The following PCDH7 variants were observed in gnomAD, a reference collection of about 807,000 sequenced individuals.
PCDH7 encodes protocadherin-7.
PCDH7 carries 17 observed loss-of-function variants against 58.9 expected under a neutral mutation model. That is an observed-to-expected ratio of 0.29 (90% CI 0.20 to 0.43). The LOEUF is 0.43. Among genes scored for constraint, PCDH7 ranks in the 20% least tolerant of loss-of-function variants. The pLI, the probability that PCDH7 is intolerant of heterozygous loss-of-function variation, is 1.00. For missense variants in PCDH7, 1,274 were observed against 1,441.0 expected (o/e 0.88, Z 1.88); for synonymous variants, 664 against 616.4 (o/e 1.08, Z -1.14).
intron 2 of PCDH7, among the ~76,000 whole-genome samples, chr4:30,935,511 A>G (rs1006843754): frequency 3.9e-5 from 6 of 152,168 alleles, no homozygotes; most frequent in Admixed American, 1.3e-4. Flanking sequence ...TCTGTTTTCT[A>G]CAAGCTAAAT....
intron 3 of PCDH7, among the ~76,000 whole-genome samples, chr4:31,141,612 A>G (rs555317943): frequency 1.7e-3 from 266 of 152,310 alleles, no homozygotes; most frequent in Admixed American, 4.4e-3. Context: ...CTTGTTTCCT[A>G]AGAATTCTTT....
intron 3 of PCDH7, among the ~76,000 whole-genome samples, chr4:31,030,420 A>G (rs1244888827): frequency 6.6e-6 from 1 of 152,238 alleles, no homozygotes; most frequent in Non-Finnish European, 1.5e-5. Flanking sequence ...TCTGAAGACT[A>G]GCCAGGGTTA....
At chr4:30,859,087 G>A (rs1733859393) in intron 1 of PCDH7, among the ~76,000 whole-genome samples, 1 of 151,924 alleles carries the variant, frequency 6.6e-6, no homozygotes, top group African/African-American at 2.4e-5. Context: ...TTCTCTCTTT[G>A]TTCTTAACTA....
rs183395571 is a variant in PCDH7 at position 30,956,265 on chromosome 4, G to A, written c.*7+6050G>A. Among the ~76,000 whole-genome samples the A allele has an allele frequency of 1.2e-4, 18 of 151,738 alleles. No individual in the cohort carries two copies. In the East Asian group the frequency reaches 3.3e-3, roughly 28 times the overall value. The stretch of plus-strand genomic sequence containing the variant: ...AAGTGAATTCCAATGCTAATGGTCT[G>A]TTGTTCTATAATAACTATCAGACAT... On this transcript the variant is annotated intron_variant, in intron 3 of 3. Coordinates refer to the PCDH7 transcript ENST00000509759.
intron 1 of PCDH7, among the ~76,000 whole-genome samples, chr4:30,916,349 C>A (rs1742475995): frequency 6.6e-6 from 1 of 152,116 alleles, no homozygotes; most frequent in Non-Finnish European, 1.5e-5. Context: ...TCATTATTGG[C>A]CTTTTATTTA....
intron 3 of PCDH7, among the ~76,000 whole-genome samples, chr4:30,979,765 A>T (rs896691097): frequency 2.6e-5 from 4 of 152,056 alleles, no homozygotes; most frequent in Non-Finnish European, 5.9e-5. Flanking sequence ...ACTGTTTTGT[A>T]TCTCTCCCAC....
Position 30,968,376 on chromosome 4 carries a change from C to CTATATATATATATA in PCDH7, c.*7+18187_*7+18200dup, listed in dbSNP as rs60085619. On this transcript the variant is annotated intron_variant, in intron 3 of 3. Transcript: ENST00000509759. ...TACACACACTATATATATACACACA[C>CTATATATATATATA]TATATATATATATATATATATATAT... 6.7e-3 allele frequency among the ~76,000 whole-genome samples: 445 copies of CTATATATATATATA among 66,880 alleles called. 5 individuals carry two copies. Among genetic ancestry groups the CTATATATATATATA allele is most frequent in the Non-Finnish European group, 8.5e-3 (319 of 37,454 alleles). The allele number at this position is 66,880 out of a possible 152,430, so 43.9% of individuals were successfully genotyped here. A position where few individuals can be genotyped will look rare whatever the true frequency, so the allele number is the denominator to read the frequency against.
chr4:30,951,194 C>T (rs762004767), intron 3 of PCDH7, among the ~76,000 whole-genome samples: 28 of 152,110 alleles, frequency 1.8e-4, no homozygotes, highest in Non-Finnish European at 4.4e-5. Context: ...TTCTTTAAAA[C>T]GGTAGCAGAA....
At chr4:30,912,008 T>C (rs1741839460) in intron 1 of PCDH7, among the ~76,000 whole-genome samples, 1 of 152,190 alleles carries the variant, frequency 6.6e-6, no homozygotes, top group Admixed American at 6.6e-5. Flanking sequence ...AACAATAATG[T>C]CAAATATGTA....
At chr4:31,008,973 A>G (rs900351029) in intron 3 of PCDH7, among the ~76,000 whole-genome samples, 4 of 152,098 alleles carry the variant, frequency 2.6e-5, no homozygotes, top group Admixed American at 6.6e-5. Flanking sequence ...GTCCCATCAC[A>G]TAATATACAA....
chr4:30,841,322 T>A (rs1447368), intron 1 of PCDH7, among the ~76,000 whole-genome samples: 13,553 of 152,144 alleles, frequency 0.089, 759 homozygotes, highest in Non-Finnish European at 0.12. Context: ...ATAGGGGAAA[T>A]GATTTCTCAA....
At chr4:30,764,725 GT>G (rs1720480061) in intron 1 of PCDH7, among the ~76,000 whole-genome samples, 1 of 151,524 alleles carries the variant, frequency 6.6e-6, no homozygotes, top group Non-Finnish European at 1.5e-5. Flanking sequence ...TTGTTTGTTT[GT>G]TTGTTTGTTT....
At chr4:31,087,883 T>G (rs919888437) in intron 3 of PCDH7, among the ~76,000 whole-genome samples, 1 of 152,200 alleles carries the variant, frequency 6.6e-6, no homozygotes, top group South Asian at 2.1e-4. Flanking sequence ...AATAAGTAGT[T>G]AAGGGAAGAA....
At chr4:30,905,470 CA>C (rs1157795110) in intron 1 of PCDH7, among the ~76,000 whole-genome samples, 1 of 16,496 alleles carries the variant, frequency 6.1e-5, no homozygotes, top group Admixed American at 4.8e-4. Flanking sequence ...AAATGAAAAA[CA>C]AAAAAAAACC....
At chr4:31,122,987 A>G (rs890084917) in intron 3 of PCDH7, among the ~76,000 whole-genome samples, 3 of 152,046 alleles carry the variant, frequency 2.0e-5, no homozygotes, top group Non-Finnish European at 4.4e-5. Context: ...TAACTTTTGT[A>G]CACCTAATCT....
chr4:30,967,718 A>G (rs995740881), intron 3 of PCDH7, among the ~76,000 whole-genome samples: 1 of 152,122 alleles, frequency 6.6e-6, no homozygotes, highest in African/African-American at 2.4e-5. Flanking sequence ...AAATGTTTTG[A>G]GTAGCATTTT....
chr4:30,938,708 T>A (rs1323670710), intron 2 of PCDH7, among the ~76,000 whole-genome samples: 1 of 152,138 alleles, frequency 6.6e-6, no homozygotes, highest in Non-Finnish European at 1.5e-5. Context: ...TAAAATCAAG[T>A]AATATTTTTA....
intron 3 of PCDH7, among the ~76,000 whole-genome samples, chr4:31,034,734 T>A (rs1011884494): frequency 2.0e-5 from 3 of 152,230 alleles, no homozygotes; most frequent in Non-Finnish European, 4.4e-5. Context: ...TTCACTGACA[T>A]GGCAGACCCA....
intron 3 of PCDH7, among the ~76,000 whole-genome samples, chr4:30,970,587 C>T (rs1240172956): frequency 6.6e-6 from 1 of 152,194 alleles, no homozygotes; most frequent in Non-Finnish European, 1.5e-5. Context: ...GCCACCGCTC[C>T]CGGCCAAATG....
Sources: gnomAD v4.1 joint callset for allele counts (sites outside exome capture counted in the v4.1 genomes callset) on GRCh38, gnomAD v4.1.1 for gene constraint, MANE v1.5 for transcripts, NCBI Gene and HGNC (gene_info 2026-07-23, HGNC 2026-07-21) for gene names.